CCSER1: variants seen among roughly 807,000 people sequenced by gnomAD.
CCSER1 encodes coiled-coil serine rich protein 1.
Under a neutral mutation model 82.0 loss-of-function variants are expected in CCSER1, and 41 were observed. The ratio of observed to expected loss-of-function variants is 0.50; its 90% CI spans 0.39 to 0.65. The LOEUF (loss-of-function observed/expected upper bound fraction) is 0.65. Ranked by LOEUF, CCSER1 falls within the 30% of genes least tolerant of loss-of-function variation. The pLI is 0.00. For missense variants in CCSER1, 1,119 were observed against 1,064.2 expected (o/e 1.05, Z -0.72); for synonymous variants, 414 against 383.9 (o/e 1.08, Z -0.92).
At chr4:90,533,953 C>T (rs576430104) in intron 5 of CCSER1, among the ~76,000 whole-genome samples, 16 of 152,276 alleles carry the variant, frequency 1.1e-4, no homozygotes, top group Admixed American at 2.0e-4. Context: ...CCCATTTACC[C>T]TTCAGAATAA....
chr4:90,359,295 A>G lies in CCSER1; in HGVS notation c.1510-40741A>G, dbSNP rs149130028. Among the ~76,000 whole-genome samples, 4 of 152,346 alleles carry G rather than the reference A, an allele frequency of 2.6e-5. No homozygotes were observed. In the East Asian group the frequency reaches 7.7e-4, roughly 29 times the overall value. On this transcript the variant is annotated intron_variant, in intron 3 of 10. Coordinates refer to ENST00000509176, the MANE Select transcript of CCSER1 (RefSeq NM_001145065.2). Reference sequence around the variant, plus strand: ...ATATGAGAATGCTTTCAAAATTGTAAGCTAATATAAAAATGAGTTATAACT... The same window carrying G: ...ATATGAGAATGCTTTCAAAATTGTAGGCTAATATAAAAATGAGTTATAACT...
chr4:90,735,607 CAT>C (rs1491513464), intron 7 of CCSER1, among the ~76,000 whole-genome samples: 1 of 152,034 alleles, frequency 6.6e-6, no homozygotes, highest in Admixed American at 6.5e-5. Context: ...TTTATTGGCA[CAT>C]AGTTGCTCAT....
intron 5 of CCSER1, among the ~76,000 whole-genome samples, chr4:90,515,450 C>G (rs1772139610): frequency 6.6e-6 from 1 of 152,048 alleles, no homozygotes; most frequent in African/African-American, 2.4e-5. Flanking sequence ...TATGTATTAT[C>G]AGAAAGAGCA....
rs1303281308 is a variant in CCSER1, at chr4:91,602,319, T to C, written c.*3262T>C. Among the ~76,000 whole-genome samples, 1 of 152,060 alleles carries C rather than the reference T, an allele frequency of 6.6e-6. No individual in the cohort carries two copies. The highest frequency in any genetic ancestry group is 1.5e-5 in the Non-Finnish European group (1 of 67,950). On this transcript the variant is annotated 3_prime_UTR_variant, in exon 11 of 11. Coordinates refer to ENST00000509176, the MANE Select transcript of CCSER1 (RefSeq NM_001145065.2). ...ATAGGAAATTCCACATTTTGTTTTG[T>C]TTTCTTTGTCTTGTTTAATAGAGAT...
intron 4 of CCSER1, among the ~76,000 whole-genome samples, chr4:90,459,530 C>T (rs557755051): frequency 1.3e-4 from 20 of 151,852 alleles, no homozygotes; most frequent in Non-Finnish European, 2.9e-4. Flanking sequence ...TCAGTGTGTC[C>T]GTAGAGTTGA....
chr4:90,725,213 T>C (rs1337254594), intron 7 of CCSER1, among the ~76,000 whole-genome samples: 6 of 151,778 alleles, frequency 4.0e-5, no homozygotes, highest in Non-Finnish European at 8.9e-5. Context: ...AAGATTTTAA[T>C]TGAATTCTCA....
intron 3 of CCSER1, among the ~76,000 whole-genome samples, chr4:90,320,311 G>A (rs886972412): frequency 1.3e-5 from 2 of 152,148 alleles, no homozygotes; most frequent in Admixed American, 6.5e-5. Context: ...ATTGTGTGTG[G>A]AGTGCTTATG....
At chr4:90,285,187 A>T (rs905369292) in intron 1 of CCSER1, among the ~76,000 whole-genome samples, 5 of 151,958 alleles carry the variant, frequency 3.3e-5, no homozygotes, top group Non-Finnish European at 7.4e-5. Flanking sequence ...GAAGAATGTC[A>T]TTGGTGTTTT....
chr4:91,411,858 A>G (rs996061309), intron 10 of CCSER1, among the ~76,000 whole-genome samples: 18 of 12,942 alleles, frequency 1.4e-3, no homozygotes, highest in Admixed American at 4.2e-3. Flanking sequence ...TTACACAGTA[A>G]AAAAAAAAAG....
chr4:91,577,471 AT>A lies in CCSER1; in HGVS notation c.2218-21100del, dbSNP rs1763505340. The stretch of plus-strand genomic sequence containing the variant: ...GCAGCAAAAAATAAAATAAAAAAAA[AT>A]ACCTTGCAATTCACAATTCTTTCTA... On this transcript the variant is annotated intron_variant, in intron 10 of 10. Transcript: ENST00000509176. 3.3e-5 allele frequency among the ~76,000 whole-genome samples: 5 copies of A among 152,184 alleles called. No homozygotes were observed. In the South Asian group the frequency reaches 1.0e-3, roughly 32 times the overall value.
Position 91,437,784 on chromosome 4 carries a change from C to G in CCSER1, c.2218-160788C>G, listed in dbSNP as rs112146920. Among the ~76,000 whole-genome samples the G allele has an allele frequency of 5.9e-5, 9 of 152,302 alleles. 1 individual carries two copies. The highest frequency in any genetic ancestry group is 2.2e-4 in the African/African-American group (9 of 41,584). On this transcript the variant is annotated intron_variant, in intron 10 of 10. Transcript: ENST00000509176. Reference sequence around the variant, plus strand: ...ATCGGGTCACTCCCACCCTAATACTCCGCTTTTACAAAGGGCTTAAAAAAT... The same window carrying G: ...ATCGGGTCACTCCCACCCTAATACTGCGCTTTTACAAAGGGCTTAAAAAAT...
At chr4:91,160,735 ATGT>A (rs142047956) in intron 10 of CCSER1, among the ~76,000 whole-genome samples, 3,577 of 151,772 alleles carry the variant, frequency 0.024, 128 homozygotes, top group African/African-American at 0.081. Flanking sequence ...CCACTTTTTG[ATGT>A]TGTTGTTGTT....
At chr4:91,317,589 C>CGTGTGTGTGTATGCGT in intron 10 of CCSER1, among the ~76,000 whole-genome samples, 1 of 150,824 alleles carries the variant, frequency 6.6e-6, no homozygotes, top group East Asian at 2.0e-4. Flanking sequence ...AAAGTATATA[C>CGTGTGTGTGTATGCGT]GTGTGTGTGT....
At chr4:90,390,983 G>T (rs1750900616) in intron 3 of CCSER1, among the ~76,000 whole-genome samples, 1 of 151,802 alleles carries the variant, frequency 6.6e-6, no homozygotes, top group Admixed American at 6.6e-5. Context: ...GCCCTTCTGG[G>T]CTGGGCATGG....
chr4:91,207,109 G>A (rs1302506334), intron 10 of CCSER1, among the ~76,000 whole-genome samples: 2 of 151,848 alleles, frequency 1.3e-5, no homozygotes, highest in African/African-American at 4.8e-5. Context: ...GGCATAATGA[G>A]TATTAGGAAT....
chr4:90,226,533 C>T (rs915154450), intron 1 of CCSER1, among the ~76,000 whole-genome samples: 1 of 152,170 alleles, frequency 6.6e-6, no homozygotes, highest in Admixed American at 6.5e-5. Flanking sequence ...TATCAACTAT[C>T]AGAAGGCTGC....
At chr4:90,635,894 C>G (rs1725332764) in intron 6 of CCSER1, among the ~76,000 whole-genome samples, 3 of 151,490 alleles carry the variant, frequency 2.0e-5, no homozygotes, top group Admixed American at 2.0e-4. Flanking sequence ...ATATGTGCAA[C>G]TATGAAATAT....
chr4:90,546,489 G>T lies in CCSER1; in HGVS notation c.1724+78135G>T, dbSNP rs185616597. 7.4e-4 allele frequency among the ~76,000 whole-genome samples: 112 copies of T among 152,170 alleles called. 1 individual carries two copies. The highest frequency in any genetic ancestry group is 1.6e-3 in the Admixed American group (25 of 15,272). The stretch of plus-strand genomic sequence containing the variant: ...GCCCTGAATAATGGCTGAATTAATT[G>T]TTTATTTTCCTAGATATGACTTAGT... On this transcript the variant is annotated intron_variant, in intron 5 of 10. Coordinates refer to ENST00000509176, the MANE Select transcript of CCSER1 (RefSeq NM_001145065.2).
intron 5 of CCSER1, among the ~76,000 whole-genome samples, chr4:90,580,890 A>G (rs1159638359): frequency 1.3e-5 from 2 of 152,198 alleles, no homozygotes; most frequent in Non-Finnish European, 2.9e-5. Flanking sequence ...TTAAAACAGG[A>G]TACTTTGCTT....
Sources: allele counts gnomAD v4.1 joint callset (sites outside exome capture counted in the v4.1 genomes callset), GRCh38; gene constraint gnomAD v4.1.1; transcripts MANE v1.5; gene names NCBI Gene and HGNC (gene_info 2026-07-23, HGNC 2026-07-21).